Variants in RUNX1T1 observed in about 807,000 individuals in gnomAD.
RUNX1T1 encodes RUNX1 partner transcriptional co-repressor 1.
RUNX1T1 carries 4 observed loss-of-function variants against 62.8 expected under a neutral mutation model. That is an observed-to-expected ratio of 0.06 (90% CI 0.03 to 0.15). RUNX1T1 has a LOEUF of 0.15. Among genes scored for constraint, RUNX1T1 ranks in the 10% least tolerant of loss-of-function variants. The pLI is 1.00. For synonymous variants in RUNX1T1, 291 were observed against 286.0 expected (o/e 1.02, Z -0.18); for missense variants, 508 against 754.3 (o/e 0.67, Z 3.82).
At chr8:92,034,795 TATACAC>T (rs1827050398) in intron 1 of RUNX1T1, among the ~76,000 whole-genome samples, 1 of 73,450 alleles carries the variant, frequency 1.4e-5, no homozygotes, top group Non-Finnish European at 3.0e-5. Flanking sequence ...TATATACATA[TATACAC>T]ACACACACAC....
At chr8:91,978,438 G>A (rs1253294600) in intron 8 of RUNX1T1, among the ~76,000 whole-genome samples, 1 of 152,032 alleles carries the variant, frequency 6.6e-6, no homozygotes, top group Non-Finnish European at 1.5e-5. Flanking sequence ...TACTTACTAT[G>A]TGGTCTAGTA....
intron 4 of RUNX1T1, among the ~76,000 whole-genome samples, chr8:92,007,967 CAAAAAAAAAAAAAA>C (rs34232877): frequency 3.5e-5 from 3 of 85,402 alleles, no homozygotes; most frequent in Non-Finnish European, 5.0e-5. Context: ...GACTTTGTTT[CAAAAAAAAAAAAAA>C]AAAAAAGAAA....
At chr8:91,983,356 C>T (rs1386826064) in intron 8 of RUNX1T1, among the ~76,000 whole-genome samples, 1 of 152,086 alleles carries the variant, frequency 6.6e-6, no homozygotes, top group Non-Finnish European at 1.5e-5. Context: ...ACAGGTACAA[C>T]ACATCAATCA....
chr8:92,062,583 G>C, exon 1 of RUNX1T1: 1 of 1,614,072 alleles, frequency 6.2e-7, no homozygotes, highest in Non-Finnish European at 8.5e-7. Flanking sequence ...ACAGAAAGTG[G>C]CTGTCTCCTA....
intron 2 of RUNX1T1, among the ~76,000 whole-genome samples, chr8:92,068,724 G>C (rs1217626519): frequency 6.6e-6 from 1 of 151,992 alleles, no homozygotes; most frequent in Non-Finnish European, 1.5e-5. Context: ...AATAACCTAA[G>C]GAAAACAATA....
chr8:92,003,918 ATT>A (rs1327471995), intron 5 of RUNX1T1, among the ~76,000 whole-genome samples: 1 of 152,242 alleles, frequency 6.6e-6, no homozygotes, highest in Non-Finnish European at 1.5e-5. Context: ...GGGGACTAAT[ATT>A]TAACTGTTTG....
intron 1 of RUNX1T1, among the ~76,000 whole-genome samples, chr8:92,018,822 A>G (rs955285988): frequency 1.3e-5 from 2 of 152,226 alleles, no homozygotes; most frequent in Non-Finnish European, 2.9e-5. Context: ...CATCATTCTA[A>G]TAAGAGTATT....
At chr8:92,081,537 T>G (rs78113496) in intron 1 of RUNX1T1, among the ~76,000 whole-genome samples, 1 of 135,990 alleles carries the variant, frequency 7.4e-6, no homozygotes, top group Non-Finnish European at 1.6e-5. Context: ...TGTTTGGTAG[T>G]TTTTTTTTTT....
intron 4 of RUNX1T1, chr8:92,006,008 A>ACACACC (rs1820697572): frequency 6.6e-6 from 1 of 152,044 alleles, no homozygotes; most frequent in Non-Finnish European, 1.5e-5. Context: ...ACACACACAC[A>ACACACC]CACACATATT....
chr8:92,102,570 A>C (rs1056038101), upstream of RUNX1T1, among the ~76,000 whole-genome samples: 2 of 152,030 alleles, frequency 1.3e-5, no homozygotes, highest in Non-Finnish European at 2.9e-5. The surrounding 1 kb of genome is among the most constrained non-coding windows in gnomAD (Gnocchi z 4.5). Context: ...GTGACTATGG[A>C]GAGGGAAGAA....
At chr8:92,095,117 G>C in intron 1 of RUNX1T1, 1 of 1,535,540 alleles carries the variant, frequency 6.5e-7, no homozygotes, top group East Asian at 2.4e-5. Flanking sequence ...CACAACAAAA[G>C]GCAGATTTCT....
intron 2 of RUNX1T1, among the ~76,000 whole-genome samples, chr8:92,068,468 C>T (rs1833198492): frequency 6.6e-6 from 1 of 152,118 alleles, no homozygotes; most frequent in Non-Finnish European, 1.5e-5. Context: ...ACAGCTTTCC[C>T]TCAAAGCCCA....
intron 8 of RUNX1T1, among the ~76,000 whole-genome samples, chr8:91,980,723 G>A (rs1815036030): frequency 6.6e-6 from 1 of 151,872 alleles, no homozygotes; most frequent in Non-Finnish European, 1.5e-5. Flanking sequence ...CCAGGCTGCG[G>A]GGCAGTGGCA....
intron 1 of RUNX1T1, among the ~76,000 whole-genome samples, chr8:92,040,351 T>C (rs1414683810): frequency 6.6e-6 from 1 of 152,192 alleles, no homozygotes; most frequent in Non-Finnish European, 1.5e-5. Flanking sequence ...GTCCCGTGTG[T>C]ATACTATATA....
intron 1 of RUNX1T1, among the ~76,000 whole-genome samples, chr8:92,060,922 T>TGA (rs56103756): frequency 0.21 from 30,740 of 146,356 alleles, 3,044 homozygotes; most frequent in Middle Eastern, 0.27. Context: ...ACACAGTTGA[T>TGA]GAGAGAGAGA....
At chr8:92,081,314 A>C in intron 1 of RUNX1T1, 4 of 777,584 alleles carry the variant, frequency 5.1e-6, no homozygotes, top group Non-Finnish European at 6.3e-6. Flanking sequence ...GGTAGTACCT[A>C]TTTTAATATA....
intron 1 of RUNX1T1, among the ~76,000 whole-genome samples, chr8:92,093,525 T>C (rs984401639): frequency 6.6e-6 from 1 of 152,242 alleles, no homozygotes; most frequent in Non-Finnish European, 1.5e-5. Flanking sequence ...GTAAAATACA[T>C]ACATCTCACT....
intron 10 of RUNX1T1, among the ~76,000 whole-genome samples, chr8:91,965,607 A>ATCC (rs1333937763): frequency 2.6e-5 from 4 of 152,130 alleles, no homozygotes; most frequent in Non-Finnish European, 4.4e-5. Flanking sequence ...TACCTCCACC[A>ATCC]GGATGCTCCT....
intron 1 of RUNX1T1, among the ~76,000 whole-genome samples, chr8:92,020,321 T>C (rs1195022254): frequency 6.6e-6 from 1 of 152,214 alleles, no homozygotes; most frequent in East Asian, 1.9e-4. Context: ...TTGAAACTTT[T>C]ATAGCAAACA....
Sources: gnomAD v4.1 joint callset for allele counts (sites outside exome capture counted in the v4.1 genomes callset) on GRCh38, gnomAD v4.1.1 for gene constraint, Gnocchi (gnomAD v3.1) non-coding constraint, MANE v1.5 for transcripts, NCBI Gene and HGNC (gene_info 2026-07-23, HGNC 2026-07-21) for gene names.